NLRP1: variants seen among roughly 807,000 people sequenced by gnomAD.
NLRP1 encodes the protein NLR family pyrin domain containing 1.
In NLRP1, 94 loss-of-function variants were observed where a neutral mutation model predicts 136.7. The ratio of observed to expected loss-of-function variants is 0.69; its 90% CI spans 0.58 to 0.82. NLRP1 has a LOEUF of 0.82. Among genes scored for constraint, NLRP1 ranks in the 40% least tolerant of loss-of-function variants. NLRP1 has a pLI of 0.00. For synonymous variants in NLRP1, 690 were observed against 725.1 expected, an observed-to-expected ratio of 0.95 and a Z score of 0.78; for missense variants, 1,575 against 1,802.7, an observed-to-expected ratio of 0.87 and a Z score of 2.29.
chr17:5,577,499 T>C (rs143937688), intron 3 of NLRP1, among the ~76,000 whole-genome samples: 2,706 of 152,298 alleles, frequency 0.018, 74 homozygotes, highest in African/African-American at 0.062. Context: ...TGAGTGAACT[T>C]GCATTCACAA....
chr17:5,510,140 C>T (rs1254924710), downstream of NLRP1, among the ~76,000 whole-genome samples: 1 of 150,494 alleles, frequency 6.6e-6, no homozygotes, highest in East Asian at 2.0e-4. Context: ...CTCCTGGACT[C>T]AAGCAATTCA....
chr17:5,553,238 T>G (rs949703608), intron 5 of NLRP1, 148 bp downstream of exon 5: 18 of 663,008 alleles, frequency 2.7e-5, no homozygotes, highest in African/African-American at 2.6e-4. Context: ...AAATCCTATC[T>G]GTGTTTGTTT....
At chr17:5,529,645 C>T (rs906180595) in intron 12 of NLRP1, among the ~76,000 whole-genome samples, 9 of 152,136 alleles carry the variant, frequency 5.9e-5, no homozygotes, top group Admixed American at 1.3e-4. Flanking sequence ...GGATCACAGG[C>T]GTGAGCCACT....
chr17:5,568,467 T>C (rs553971151), intron 3 of NLRP1, among the ~76,000 whole-genome samples: 1 of 152,332 alleles, frequency 6.6e-6, no homozygotes, highest in East Asian at 1.9e-4. Context: ...ATTCCTTCTC[T>C]GTGTTATCTT....
intron 15 of NLRP1, chr17:5,502,148 AT>A (rs1567622634): frequency 2.6e-6 from 1 of 383,612 alleles, no homozygotes; most frequent in Non-Finnish European, 5.0e-6. Flanking sequence ...TTTTTGCTGA[AT>A]GAATGATGCA....
chr17:5,574,818 C>T (rs1049725305), intron 3 of NLRP1, among the ~76,000 whole-genome samples: 7 of 151,918 alleles, frequency 4.6e-5, no homozygotes, highest in Non-Finnish European at 5.9e-5. Context: ...CCCGCCATCA[C>T]GCCCGGCTAA....
chr17:5,521,854 C>T (rs111801876), intron 12 of NLRP1, 68 bp from the exon 13 acceptor site: 49 of 1,444,268 alleles, frequency 3.4e-5, no homozygotes, highest in Middle Eastern at 5.1e-4. Context: ...GACAGAGTTT[C>T]GCTCTTGTCG....
At position 5,583,262 on chromosome 17, in the gene NLRP1, G is replaced by A. The variant is rs897101295; in HGVS notation, c.272-416C>T. ...CTGTATATCAGACTCTGTGCTAAAT[G>A]TTTAACCTGGATGATCTCTTTTAAC... On this transcript the variant is annotated intron_variant, in intron 1 of 16. Transcript: ENST00000572272. This position sits in a 1 kb window ranked among gnomAD's most constrained non-coding sequence, Gnocchi z 4.5. Among the ~76,000 whole-genome samples, 1 of 152,182 alleles carries A rather than the reference G, an allele frequency of 6.6e-6. No homozygotes were observed. The highest frequency in any genetic ancestry group is 6.5e-5 in the Admixed American group (1 of 15,278).
intron 15 of NLRP1, chr17:5,505,534 T>G (rs1907290108): frequency 6.6e-6 from 1 of 152,290 alleles, no homozygotes; most frequent in Non-Finnish European, 1.5e-5. Context: ...ATGCTCCAGG[T>G]CCCATCAAAC....
chr17:5,580,418 TAA>T (rs1451534843), intron 3 of NLRP1, among the ~76,000 whole-genome samples: 1 of 152,100 alleles, frequency 6.6e-6, no homozygotes, highest in Admixed American at 6.5e-5. Context: ...GAAACTAAAA[TAA>T]AAGTTTGTTG....
intron 15 of NLRP1, chr17:5,502,116 T>C (rs1005903407): frequency 1.6e-5 from 7 of 444,354 alleles, no homozygotes; most frequent in Non-Finnish European, 2.1e-5. Context: ...CAGAGCCTAC[T>C]AGGTAGTGGT....
intron 12 of NLRP1, among the ~76,000 whole-genome samples, chr17:5,526,911 G>C (rs752143889): frequency 4.6e-5 from 7 of 152,250 alleles, no homozygotes; most frequent in Non-Finnish European, 1.0e-4. Context: ...ACCATGGAAA[G>C]TTAATGACTC....
In NLRP1 at chr17:5,561,630, A is replaced by T. The variant is rs1251752332; in HGVS notation, c.653-1587T>A. 6.1e-5 allele frequency among the ~76,000 whole-genome samples: 4 copies of T among 65,694 alleles called. 2 individuals carry two copies. The highest frequency in any genetic ancestry group is 1.3e-4 in the Non-Finnish European group (4 of 29,832). The allele number at this position is 65,694 out of a possible 152,430, so 43.1% of individuals were successfully genotyped here. A position where few individuals can be genotyped will look rare whatever the true frequency, so the allele number is the denominator to read the frequency against. On this transcript the variant is annotated intron_variant, in intron 3 of 16. Coordinates refer to ENST00000572272, the MANE Select transcript of NLRP1 (RefSeq NM_033004.4). ...GGCTAATTTTTTGTATTTTTAGTAG[A>T]GACGGGGTTTCACCTTGTTAGCCAG... is the stretch of plus-strand genomic sequence containing the variant.
intron 12 of NLRP1, 133 bp downstream of exon 12, chr17:5,530,348 C>A: frequency 1.4e-6 from 1 of 700,594 alleles, no homozygotes; most frequent in Non-Finnish European, 2.4e-6. Context: ...AAATCTTAGT[C>A]CCCATCTCCA....
At chr17:5,546,944 C>T (rs186462646) in intron 5 of NLRP1, among the ~76,000 whole-genome samples, 75 of 152,192 alleles carry the variant, frequency 4.9e-4, no homozygotes, top group Admixed American at 2.4e-3. Context: ...GGTGCTACCC[C>T]CAGTGAGCCA....
Position 5,519,445 on chromosome 17 carries a change from C to CT in NLRP1, c.3915+1435dup, listed in dbSNP as rs74550306. ...ACAGGAGTGAGCCACCACACCTGGC[C>CT]TTTTTTTTTTTTTTTTTTAGACAGA... On this transcript the variant is annotated intron_variant, in intron 14 of 16. Coordinates refer to ENST00000572272, the MANE Select transcript of NLRP1 (RefSeq NM_033004.4). Among the ~76,000 whole-genome samples the CT allele has an allele frequency of 6.7e-3, 887 of 131,754 alleles. 8 individuals are homozygous for CT. The highest frequency in any genetic ancestry group is 0.02 in the Middle Eastern group (5 of 256). The allele number at this position is 131,754 out of a possible 152,430, so 86.4% of individuals were successfully genotyped here.
At chr17:5,530,448 C>T (rs748841071) in intron 12 of NLRP1, 33 bp downstream of exon 12, 3 of 1,584,526 alleles carry the variant, frequency 1.9e-6, no homozygotes, top group African/African-American at 1.3e-5. Flanking sequence ...ATAATTACCA[C>T]CACCTTCCTC....
intron 3 of NLRP1, among the ~76,000 whole-genome samples, chr17:5,573,120 A>G (rs78018039): frequency 6.6e-6 from 1 of 152,200 alleles, no homozygotes; most frequent in Non-Finnish European, 1.5e-5. Context: ...CTCCCACCCT[A>G]ATACTGCACT....
In NLRP1 at chr17:5,517,799, T is replaced by C; in HGVS notation, c.4004A>G (p.Gln1335Arg). 1.2e-6 allele frequency: 2 copies of C among 1,614,220 alleles called. No homozygotes were observed. Among genetic ancestry groups the C allele is most frequent in the Non-Finnish European group, 1.7e-6 (2 of 1,180,044 alleles). ...AGTCTCATCTTTCTTGTCTTTCACT[T>C]GCAGCCTGATCCCTGATCCCAAGTG... ...VGHLGSGIRL[Q>R]VKDKKDETLV... The change falls in exon 15 of 17, where the codon CAA becomes CGA. Residue 1335 changes from glutamine to arginine, a missense_variant. By Grantham distance (43) the Gln-to-Arg change is conservative. Coordinates refer to ENST00000572272, the MANE Select transcript of NLRP1 (RefSeq NM_033004.4).
Sources: allele counts gnomAD v4.1 joint callset (sites outside exome capture counted in the v4.1 genomes callset), GRCh38; gene constraint gnomAD v4.1.1; non-coding constraint Gnocchi (gnomAD v3.1); transcripts MANE v1.5; gene names NCBI Gene and HGNC (gene_info 2026-07-23, HGNC 2026-07-21).